Variants in TBC1D5 observed in about 807,000 individuals in gnomAD.
The protein encoded by TBC1D5 is TBC1 domain family, member 5.
In TBC1D5, 75 loss-of-function variants were observed where a neutral mutation model predicts 100.3. That is an observed-to-expected ratio of 0.75 (90% CI 0.62 to 0.91). TBC1D5 has a LOEUF of 0.91. Among genes scored for constraint, TBC1D5 ranks in the 40% least tolerant of loss-of-function variants. TBC1D5 has a pLI of 0.00. For missense variants in TBC1D5, 910 were observed against 942.4 expected, an observed-to-expected ratio of 0.97 and a Z score of 0.45; for synonymous variants, 323 against 325.6, an observed-to-expected ratio of 0.99 and a Z score of 0.09.
At chr3:17,728,806 A>C (rs1466260103) in intron 1 of TBC1D5, among the ~76,000 whole-genome samples, 1 of 152,106 alleles carries the variant, frequency 6.6e-6, no homozygotes, top group Non-Finnish European at 1.5e-5. Flanking sequence ...CAGTTTTATA[A>C]TTTTGGAATA....
At chr3:17,609,953 A>T (rs1188079144) in intron 2 of TBC1D5, among the ~76,000 whole-genome samples, 1 of 152,116 alleles carries the variant, frequency 6.6e-6, no homozygotes, top group East Asian at 1.9e-4. Context: ...CTTTCCCCAA[A>T]ACCTTTACTC....
chr3:17,340,945 G>T (rs112444946), intron 13 of TBC1D5, among the ~76,000 whole-genome samples: 5 of 152,126 alleles, frequency 3.3e-5, no homozygotes, highest in Non-Finnish European at 7.4e-5. Context: ...CTGAACAACA[G>T]GCACTGGCTT....
intron 2 of TBC1D5, among the ~76,000 whole-genome samples, chr3:17,518,005 C>A (rs907944141): frequency 3.3e-5 from 5 of 152,040 alleles, no homozygotes; most frequent in Non-Finnish European, 7.4e-5. Context: ...TCACTCCTGG[C>A]AATAATAATA....
intron 14 of TBC1D5, among the ~76,000 whole-genome samples, chr3:17,306,075 C>T (rs2083366742): frequency 6.6e-6 from 1 of 151,932 alleles, no homozygotes; most frequent in South Asian, 2.1e-4. Flanking sequence ...CTTATAGAAA[C>T]ACATTAATAT....
chr3:17,634,014 T>G lies in TBC1D5; in HGVS notation c.-100-10101A>C, dbSNP rs932306258. On this transcript the variant is annotated intron_variant, in intron 1 of 21. Coordinates refer to ENST00000253692, the Ensembl canonical transcript of TBC1D5. ...GGAAATGCAAATCAAAACTACAATA[T>G]GATATCATCTCACCACAGGTAAAAT... 6.6e-5 allele frequency among the ~76,000 whole-genome samples: 10 copies of G among 152,220 alleles called. No homozygotes were observed. In the East Asian group the frequency reaches 1.7e-3, roughly 26 times the overall value.
intron 14 of TBC1D5, among the ~76,000 whole-genome samples, chr3:17,304,829 G>A (rs1367006693): frequency 6.6e-6 from 1 of 152,098 alleles, no homozygotes; most frequent in Non-Finnish European, 1.5e-5. Context: ...AATGTCTAAC[G>A]ACAGCCATCC....
chr3:17,295,094 TAC>T (rs1203981162), intron 14 of TBC1D5, among the ~76,000 whole-genome samples: 1 of 152,212 alleles, frequency 6.6e-6, no homozygotes, highest in East Asian at 1.9e-4. Flanking sequence ...GTTATCTACC[TAC>T]ATGTAAAATG....
intron 1 of TBC1D5, among the ~76,000 whole-genome samples, chr3:17,696,293 A>C (rs1020397245): frequency 3.3e-5 from 5 of 152,206 alleles, no homozygotes; most frequent in Admixed American, 3.3e-4. Context: ...CCCTTCAAAA[A>C]AATCAATGAA....
In TBC1D5 at chr3:17,528,236, A is replaced by C. The variant is rs551805736; in HGVS notation, c.-35-19631T>G. Among the ~76,000 whole-genome samples the C allele has an allele frequency of 5.9e-5, 9 of 152,280 alleles. No individual in the cohort carries two copies. In the East Asian group the frequency reaches 1.7e-3, roughly 29 times the overall value. ...CACCGTACCCAGCCCCCAGTGCAGC[A>C]GTATTAAGAGGTAGGGCCTTCAGGA... is the stretch of plus-strand genomic sequence containing the variant. On this transcript the variant is annotated intron_variant, in intron 2 of 21. Transcript: ENST00000253692.
chr3:17,727,553 A>T (rs1482857347), intron 1 of TBC1D5, among the ~76,000 whole-genome samples: 1 of 152,254 alleles, frequency 6.6e-6, no homozygotes, highest in African/African-American at 2.4e-5. Context: ...CCAAACGTTT[A>T]TTAAATTGTT....
In TBC1D5 at chr3:17,501,675, A is replaced by G. The variant is rs569587098; in HGVS notation, c.97+6799T>C. Among the ~76,000 whole-genome samples, 2 of 149,380 alleles carry G rather than the reference A, an allele frequency of 1.3e-5. 1 individual carries two copies. Among genetic ancestry groups the G allele is most frequent in the African/African-American group, 5.1e-5 (2 of 39,302 alleles). ...ATATCCTTATATTCTCAATCCATCAATGAATTCTTCAACCATCAACTTCCT... is the reference window on the plus strand; with the variant it reads ...ATATCCTTATATTCTCAATCCATCAGTGAATTCTTCAACCATCAACTTCCT... On this transcript the variant is annotated intron_variant, in intron 3 of 21. Transcript: ENST00000253692.
intron 2 of TBC1D5, among the ~76,000 whole-genome samples, chr3:17,534,616 A>G (rs1334574987): frequency 6.6e-6 from 1 of 152,180 alleles, no homozygotes; most frequent in Non-Finnish European, 1.5e-5. Context: ...AGCATTTAAC[A>G]AGATAAAGAA....
chr3:17,355,622 T>TAG (rs1217957565), intron 13 of TBC1D5, among the ~76,000 whole-genome samples: 1 of 150,748 alleles, frequency 6.6e-6, no homozygotes, highest in East Asian at 1.9e-4. Context: ...ATAAAATATA[T>TAG]AGAATGTGTG....
chr3:17,588,090 T>C (rs1039259713), intron 2 of TBC1D5, among the ~76,000 whole-genome samples: 1 of 152,096 alleles, frequency 6.6e-6, no homozygotes, highest in Non-Finnish European at 1.5e-5. Flanking sequence ...ACTGAGTAGT[T>C]GTAATGTGTT....
chr3:17,398,832 T>A (rs2093574697), intron 8 of TBC1D5, among the ~76,000 whole-genome samples: 1 of 152,068 alleles, frequency 6.6e-6, no homozygotes, highest in South Asian at 2.1e-4. Context: ...ACTAAGGAGA[T>A]CAATATAAAT....
At chr3:17,271,253 A>G (rs2079393163) in intron 15 of TBC1D5, among the ~76,000 whole-genome samples, 1 of 152,122 alleles carries the variant, frequency 6.6e-6, no homozygotes, top group African/African-American at 2.4e-5. Context: ...ATAGCCTGGA[A>G]TGTTTTTCCA....
chr3:17,472,805 T>C (rs2095393838), intron 3 of TBC1D5, among the ~76,000 whole-genome samples: 1 of 152,210 alleles, frequency 6.6e-6, no homozygotes, highest in Non-Finnish European at 1.5e-5. Flanking sequence ...TTTAAAAACA[T>C]ATATTTCTAC....
chr3:17,266,229 T>C (rs1479884317), intron 15 of TBC1D5, among the ~76,000 whole-genome samples: 2 of 152,178 alleles, frequency 1.3e-5, no homozygotes, highest in Non-Finnish European at 2.9e-5. Flanking sequence ...TTACTGCCCT[T>C]TTCATTAAAT....
At chr3:17,223,809 C>G (rs1195559631) in intron 17 of TBC1D5, among the ~76,000 whole-genome samples, 1 of 152,032 alleles carries the variant, frequency 6.6e-6, no homozygotes, top group Non-Finnish European at 1.5e-5. Context: ...TGGGAAGAAG[C>G]AGGAGAACCC....
Sources: allele counts gnomAD v4.1 joint callset (sites outside exome capture counted in the v4.1 genomes callset), GRCh38; gene constraint gnomAD v4.1.1; transcripts MANE v1.5; gene names NCBI Gene and HGNC (gene_info 2026-07-23, HGNC 2026-07-21).